PLXNA4: variants seen among roughly 807,000 people sequenced by gnomAD.
PLXNA4 encodes the protein plexin A4.
Under a neutral mutation model 191.8 loss-of-function variants are expected in PLXNA4, and 44 were observed. That is an observed-to-expected ratio of 0.23 (90% CI 0.18 to 0.29). PLXNA4 has a LOEUF of 0.29. PLXNA4 is among the 10% of genes least tolerant of loss of function. PLXNA4 has a pLI of 1.00. For synonymous variants in PLXNA4, 1,082 were observed against 1,009.5 expected (o/e 1.07, Z -1.36); for missense variants, 1,800 against 2,488.8 (o/e 0.72, Z 5.89).
rs985699771 is a variant in PLXNA4, at chr7:132,307,779, A to G, written c.1372-9557T>C. Among the ~76,000 whole-genome samples, 5 of 140,528 alleles carry G rather than the reference A, an allele frequency of 3.6e-5. No individual in the cohort carries two copies. The East Asian group carries it at 6.7e-4, about 19-fold the overall frequency. The allele number at this position is 140,528 out of a possible 152,430, so 92.2% of individuals were successfully genotyped here. On this transcript the variant is annotated intron_variant, in intron 3 of 31. Transcript: ENST00000321063. ...TTCATGCTGCTTAAGCTGCCCCAGA[A>G]TAGCTCCATGAGGTACTTTGTTTTG...
At chr7:132,554,162 C>T (rs1800688460) in intron 1 of PLXNA4, among the ~76,000 whole-genome samples, 1 of 152,206 alleles carries the variant, frequency 6.6e-6, no homozygotes, top group Non-Finnish European at 1.5e-5. Context: ...CAAGCAATGG[C>T]ACAGAATATC....
intron 1 of PLXNA4, among the ~76,000 whole-genome samples, chr7:132,564,313 T>C (rs547233385): frequency 4.4e-5 from 5 of 114,178 alleles, no homozygotes; most frequent in East Asian, 3.0e-4. Flanking sequence ...CTCCTCTCCT[T>C]TTCCTCCTCC....
At chr7:132,226,994 C>A (rs1798346630) in intron 7 of PLXNA4, among the ~76,000 whole-genome samples, 1 of 152,228 alleles carries the variant, frequency 6.6e-6, no homozygotes, top group Non-Finnish European at 1.5e-5. Context: ...GGCAGCTTGC[C>A]CCCAACAACA....
At chr7:132,580,818 C>T (rs1222843162), upstream of PLXNA4, among the ~76,000 whole-genome samples, 1 of 152,190 alleles carries the variant, frequency 6.6e-6, no homozygotes, top group Non-Finnish European at 1.5e-5. Context: ...AGAGCTGCCC[C>T]CATGGCTGGG....
At chr7:132,262,961 C>G (rs1395985978) in intron 4 of PLXNA4, among the ~76,000 whole-genome samples, 1 of 152,158 alleles carries the variant, frequency 6.6e-6, no homozygotes, top group Non-Finnish European at 1.5e-5. Flanking sequence ...TAGTGGGTGG[C>G]TCAGTGGAAC....
intron 5 of PLXNA4, among the ~76,000 whole-genome samples, chr7:132,237,286 G>A (rs1405199777): frequency 6.6e-6 from 1 of 152,182 alleles, no homozygotes; most frequent in Non-Finnish European, 1.5e-5. Context: ...TTTCCCTTAA[G>A]GAACTCAAGG....
At chr7:132,179,406 G>GCGCA (rs1380170015) in intron 20 of PLXNA4, among the ~76,000 whole-genome samples, 1 of 118,450 alleles carries the variant, frequency 8.4e-6, no homozygotes, top group African/African-American at 4.2e-5. Flanking sequence ...ATACACAGAT[G>GCGCA]CGCACGCACA....
At chr7:132,190,548 G>A (rs531956401) in intron 14 of PLXNA4, among the ~76,000 whole-genome samples, 9 of 152,152 alleles carry the variant, frequency 5.9e-5, no homozygotes. Flanking sequence ...TTTGTTTAAT[G>A]GTCACCCCAC....
intron 9 of PLXNA4, among the ~76,000 whole-genome samples, chr7:132,214,773 CCTGTAA>C (rs1406859969): frequency 6.6e-6 from 1 of 152,148 alleles, no homozygotes; most frequent in Non-Finnish European, 1.5e-5. Context: ...GGCTGGGAAT[CCTGTAA>C]CTGTGAGAAC....
chr7:132,239,355 T>A (rs2117031201), intron 5 of PLXNA4, among the ~76,000 whole-genome samples: 1 of 152,318 alleles, frequency 6.6e-6, no homozygotes, highest in South Asian at 2.1e-4. Context: ...CAGGGCTCCG[T>A]GCTCTGTGGG....
chr7:132,347,465 G>A (rs1356700640), intron 3 of PLXNA4, among the ~76,000 whole-genome samples: 2 of 152,196 alleles, frequency 1.3e-5, no homozygotes, highest in Non-Finnish European at 2.9e-5. Flanking sequence ...ATGTGGGATG[G>A]GTAAAAGGGA....
chr7:132,188,766 C>G (rs950767868), intron 14 of PLXNA4, among the ~76,000 whole-genome samples: 1 of 151,948 alleles, frequency 6.6e-6, no homozygotes, highest in African/African-American at 2.4e-5. Context: ...TTTCTCAGCT[C>G]TGCCTGGATC....
At chr7:132,464,811 C>G (rs1190982619) in intron 3 of PLXNA4, among the ~76,000 whole-genome samples, 1 of 152,182 alleles carries the variant, frequency 6.6e-6, no homozygotes, top group Non-Finnish European at 1.5e-5. Context: ...GCTCAGCGGA[C>G]CTACCCTTCA....
At chr7:132,604,364 C>T (rs139987986) in intron 2 of PLXNA4, among the ~76,000 whole-genome samples, 12 of 152,242 alleles carry the variant, frequency 7.9e-5, no homozygotes, top group African/African-American at 1.9e-4. Flanking sequence ...CATAGATATA[C>T]GGACAGGAAA....
intron 3 of PLXNA4, among the ~76,000 whole-genome samples, chr7:132,485,725 A>G (rs1026691016): frequency 1.3e-5 from 2 of 152,208 alleles, no homozygotes; most frequent in African/African-American, 4.8e-5. Flanking sequence ...TTTATAGGTC[A>G]TATTTCTTAA....
chr7:132,558,139 G>T (rs1368079351), intron 1 of PLXNA4, among the ~76,000 whole-genome samples: 1 of 152,176 alleles, frequency 6.6e-6, no homozygotes, highest in Non-Finnish European at 1.5e-5. Context: ...GTGTACTACT[G>T]TCTGCACACA....
At chr7:132,186,108 C>T (rs1796870707) in intron 15 of PLXNA4, among the ~76,000 whole-genome samples, 2 of 152,168 alleles carry the variant, frequency 1.3e-5, no homozygotes, top group African/African-American at 4.8e-5. Context: ...AAGGAAAAAT[C>T]CTCTCTCTAG....
chr7:132,456,128 T>C (rs1325115659), intron 3 of PLXNA4, among the ~76,000 whole-genome samples: 4 of 150,328 alleles, frequency 2.7e-5, no homozygotes, highest in Non-Finnish European at 5.9e-5. Flanking sequence ...TTTTTTTTTT[T>C]TGGAGATGGA....
At chr7:132,287,873 A>G (rs1800742351) in intron 4 of PLXNA4, among the ~76,000 whole-genome samples, 1 of 152,158 alleles carries the variant, frequency 6.6e-6, no homozygotes. Flanking sequence ...AAGTAAACCA[A>G]GGGACCTCCT....
Sources: allele counts gnomAD v4.1 joint callset (sites outside exome capture counted in the v4.1 genomes callset), GRCh38; gene constraint gnomAD v4.1.1; transcripts MANE v1.5; gene names NCBI Gene and HGNC (gene_info 2026-07-23, HGNC 2026-07-21).